FSTL5: variants seen among roughly 807,000 people sequenced by gnomAD.
The protein encoded by FSTL5 is follistatin-related protein 5.
A neutral mutation model predicts 89.1 loss-of-function variants in FSTL5; 62 were observed. The observed-to-expected ratio is 0.70, with a 90% CI of 0.57 to 0.86. The LOEUF is 0.86. FSTL5 is among the 40% of genes least tolerant of loss of function. The probability of loss-of-function intolerance (pLI) is 0.00; values close to 1 mark genes in which losing one functional copy is unlikely to be tolerated. For synonymous variants in FSTL5, 383 were observed against 346.2 expected (o/e 1.11, Z -1.18); for missense variants, 1,057 against 1,001.6 (o/e 1.06, Z -0.75).
chr4:162,023,203 C>CTAGG (rs968456900), intron 3 of FSTL5, among the ~76,000 whole-genome samples: 25 of 152,022 alleles, frequency 1.6e-4, no homozygotes, highest in African/African-American at 6.0e-4. Flanking sequence ...GTAAGATTTC[C>CTAGG]TAGGACCTGC....
chr4:161,590,592 C>G (rs1307119059), intron 7 of FSTL5, among the ~76,000 whole-genome samples: 1 of 152,014 alleles, frequency 6.6e-6, no homozygotes, highest in Non-Finnish European at 1.5e-5. Flanking sequence ...GTAGAGGATT[C>G]AAATGAACAT....
At chr4:162,127,525 T>C (rs1451055232) in intron 1 of FSTL5, among the ~76,000 whole-genome samples, 1 of 152,212 alleles carries the variant, frequency 6.6e-6, no homozygotes, top group Non-Finnish European at 1.5e-5. Flanking sequence ...GAAATACCAT[T>C]TGTAAGGCAT....
intron 3 of FSTL5, among the ~76,000 whole-genome samples, chr4:162,033,364 C>T (rs186283107): frequency 2.5e-4 from 38 of 152,134 alleles, no homozygotes; most frequent in African/African-American, 9.2e-4. Context: ...GTTCAACCAC[C>T]ACAATATAGG....
chr4:161,526,063 A>T (rs1731209996), intron 10 of FSTL5, among the ~76,000 whole-genome samples: 1 of 152,124 alleles, frequency 6.6e-6, no homozygotes, highest in African/African-American at 2.4e-5. Context: ...CGCTGACAAT[A>T]ACTTTAGGCA....
At chr4:161,433,337 C>G (rs548330858) in intron 15 of FSTL5, among the ~76,000 whole-genome samples, 3 of 152,026 alleles carry the variant, frequency 2.0e-5, no homozygotes, top group Admixed American at 2.0e-4. Flanking sequence ...GCTGAAAAAG[C>G]TTTTGATAAA....
At position 161,791,921 on chromosome 4, in the gene FSTL5, G is replaced by A. The variant is rs1729489363; in HGVS notation, c.410-15847C>T. On this transcript the variant is annotated intron_variant, in intron 4 of 15. Coordinates refer to ENST00000306100, the MANE Select transcript of FSTL5 (RefSeq NM_020116.5). ...GGAGAAGGTGAGGCCGGGGCTGCGC[G>A]CTCCGCAGAGCCAGTGGGAGCTGGG... 1.3e-5 allele frequency among the ~76,000 whole-genome samples: 2 copies of A among 152,176 alleles called. 1 individual carries two copies. Among genetic ancestry groups the A allele is most frequent in the South Asian group, 4.1e-4 (2 of 4,828 alleles).
intron 7 of FSTL5, among the ~76,000 whole-genome samples, chr4:161,642,563 T>G (rs1736001729): frequency 6.6e-6 from 1 of 152,030 alleles, no homozygotes; most frequent in Non-Finnish European, 1.5e-5. Flanking sequence ...GACATTAAAT[T>G]TAAAAAGGTT....
intron 4 of FSTL5, among the ~76,000 whole-genome samples, chr4:161,879,790 C>A (rs746504160): frequency 6.6e-6 from 1 of 152,162 alleles, no homozygotes; most frequent in Non-Finnish European, 1.5e-5. Flanking sequence ...TCTTCCTCCT[C>A]CAACCCTGGG....
chr4:161,747,807 T>A (rs1442403269), intron 6 of FSTL5, among the ~76,000 whole-genome samples: 1 of 152,240 alleles, frequency 6.6e-6, no homozygotes, highest in Non-Finnish European at 1.5e-5. Context: ...CAGCACTTAG[T>A]GTACACACTT....
intron 10 of FSTL5, among the ~76,000 whole-genome samples, chr4:161,520,190 T>A (rs1184330788): frequency 6.6e-6 from 1 of 151,924 alleles, no homozygotes; most frequent in East Asian, 1.9e-4. Flanking sequence ...ATTAAGATGG[T>A]AAAGCTTTAA....
At chr4:161,435,116 C>T (rs1430818668) in intron 15 of FSTL5, among the ~76,000 whole-genome samples, 1 of 152,060 alleles carries the variant, frequency 6.6e-6, no homozygotes, top group Non-Finnish European at 1.5e-5. Context: ...GAAGAGATAC[C>T]TACACTCCTA....
intron 4 of FSTL5, among the ~76,000 whole-genome samples, chr4:161,917,374 T>G (rs956851392): frequency 1.3e-5 from 2 of 152,224 alleles, no homozygotes; most frequent in Non-Finnish European, 2.9e-5. Context: ...AGCTTTTACG[T>G]ATTTTCCAAT....
intron 10 of FSTL5, among the ~76,000 whole-genome samples, chr4:161,513,003 A>C (rs748821364): frequency 1.3e-5 from 2 of 152,104 alleles, no homozygotes; most frequent in Non-Finnish European, 2.9e-5. Flanking sequence ...TAAACTACAA[A>C]ACAAAAAGCC....
chr4:161,711,210 G>GA (rs1279305659), intron 6 of FSTL5, among the ~76,000 whole-genome samples: 1 of 151,732 alleles, frequency 6.6e-6, no homozygotes, highest in Non-Finnish European at 1.5e-5. Flanking sequence ...GGAAAAAATA[G>GA]AAAAAATTAA....
At chr4:161,481,306 T>C (rs1729496679) in intron 12 of FSTL5, 137 bp from the exon 13 acceptor site, 2 of 466,452 alleles carry the variant, frequency 4.3e-6, no homozygotes, top group Admixed American at 4.2e-5. Context: ...TAAAGTTTAA[T>C]TAATAGAACA....
chr4:161,944,377 A>T (rs1197275383), intron 3 of FSTL5, among the ~76,000 whole-genome samples: 1 of 152,114 alleles, frequency 6.6e-6, no homozygotes, highest in Admixed American at 6.6e-5. Flanking sequence ...TTAGAAAAAA[A>T]TTTAAAAGAC....
intron 3 of FSTL5, among the ~76,000 whole-genome samples, chr4:161,951,459 C>T (rs1180047556): frequency 2.0e-5 from 3 of 151,958 alleles, no homozygotes; most frequent in East Asian, 3.9e-4. Flanking sequence ...GATTTACATC[C>T]CCAAACCTCT....
chr4:161,930,338 C>T lies in FSTL5; in HGVS notation c.161-9686G>A, dbSNP rs556584373. Among the ~76,000 whole-genome samples the T allele has an allele frequency of 3.8e-4, 57 of 151,832 alleles. 2 individuals are homozygous for T. The South Asian group carries it at 0.012, about 31-fold the overall frequency. ...TTAACAATGTTTTCTTCCCCAAACC[C>T]CTCTATGGTTGAATTAAAATACTGA... On this transcript the variant is annotated intron_variant, in intron 3 of 15. Coordinates refer to ENST00000306100, the MANE Select transcript of FSTL5 (RefSeq NM_020116.5).
intron 6 of FSTL5, among the ~76,000 whole-genome samples, chr4:161,729,276 C>T (rs1194378825): frequency 1.3e-5 from 2 of 152,092 alleles, no homozygotes; most frequent in Non-Finnish European, 2.9e-5. Context: ...TAATCTAGCC[C>T]ACAACCTTCA....
Sources: allele counts gnomAD v4.1 joint callset (sites outside exome capture counted in the v4.1 genomes callset), GRCh38; gene constraint gnomAD v4.1.1; transcripts MANE v1.5; gene names NCBI Gene and HGNC (gene_info 2026-07-23, HGNC 2026-07-21).